MUC4: variants seen among roughly 807,000 people sequenced by gnomAD.
MUC4 encodes mucin-4.
MUC4 carries 202 observed loss-of-function variants against 257.9 expected under a neutral mutation model. The observed-to-expected ratio is 0.78, with a 90% CI of 0.70 to 0.88. MUC4 has a LOEUF of 0.88. MUC4 is among the 40% of genes least tolerant of loss of function. MUC4 has a pLI of 0.00. For missense variants in MUC4, 5,976 were observed against 6,513.7 expected (o/e 0.92, Z 2.84); for synonymous variants, 2,351 against 2,757.1 (o/e 0.85, Z 4.62).
At position 195,760,633 on chromosome 3, in the gene MUC4, G is replaced by A. The variant is rs548253587; in HGVS notation, c.14848+251C>T. ...GGGGCTGGGAAGGCATCCAGCGCTA[G>A]GATGGACGGAGGGGGCTGGGAAGGC... On this transcript the variant is annotated intron_variant, in intron 16 of 24. Transcript: ENST00000463781. Among the ~76,000 whole-genome samples, 251 of 109,318 alleles carry A rather than the reference G, an allele frequency of 2.3e-3. 1 individual carries two copies. The highest frequency in any genetic ancestry group is 4.0e-3 in the Non-Finnish European group (196 of 48,624). The allele number at this position is 109,318 out of a possible 152,430, so 71.7% of individuals were successfully genotyped here. A position where few individuals can be genotyped will look rare whatever the true frequency, so the allele number is the denominator to read the frequency against.
chr3:195,772,370 C>T (rs1158241297), intron 4 of MUC4, among the ~76,000 whole-genome samples: 5 of 141,938 alleles, frequency 3.5e-5, no homozygotes, highest in African/African-American at 8.1e-5. Context: ...GGGGTGTAGA[C>T]ACCCTCCCTT....
chr3:195,760,700 C>T (rs921993605), intron 16 of MUC4, among the ~76,000 whole-genome samples, 184 bp downstream of exon 16: 16 of 151,500 alleles, frequency 1.1e-4, no homozygotes, highest in East Asian at 5.9e-4. Context: ...TGAACTGGGC[C>T]GAAGGCCACT....
chr3:195,784,613 C>T lies in MUC4; in HGVS notation c.6967G>A (p.Val2323Ile). The change falls in exon 2 of 25, where the codon GTC (valine) becomes ATC (isoleucine). Residue 2323 changes from valine to isoleucine, a missense_variant. Val to Ile is a conservative substitution (Grantham distance 29). Transcript: ENST00000463781. ...GTGGATGCTGAGGAAAGGCTGGTGA[C>T]AGGAAGAGGGGTGGCGTGACCTGTG... ...ASTGHATPLP[V>I]TSLSSASTGD... is the part of the protein sequence containing the mutation. 7.1e-7 allele frequency: 1 copy of T among 1,401,932 alleles called. No homozygotes were observed. Among genetic ancestry groups the T allele is most frequent in the Non-Finnish European group, 9.6e-7 (1 of 1,043,512 alleles). 86.8% of individuals were successfully genotyped at this position (1,401,932 alleles called of 1,614,324 possible). A position where few individuals can be genotyped will look rare whatever the true frequency, so the allele number is the denominator to read the frequency against.
At chr3:195,768,367 C>T (rs561924037) in intron 7 of MUC4, among the ~76,000 whole-genome samples, 4 of 152,344 alleles carry the variant, frequency 2.6e-5, no homozygotes, top group Middle Eastern at 3.4e-3. Flanking sequence ...ACTGCTACAT[C>T]GGAGACAGCC....
intron 19 of MUC4, 40 bp downstream of exon 19, chr3:195,754,173 C>A: frequency 6.3e-7 from 1 of 1,582,548 alleles, no homozygotes. Context: ...CTATCAGCTG[C>A]TCCCAGAAGC....
At position 195,788,820 on chromosome 3, in the gene MUC4, G is replaced by T; in HGVS notation, c.2760C>A (p.Asp920Glu). Residue 920 changes from aspartate to glutamate, a missense_variant, in exon 2 of 25, where the codon GAC becomes GAA. Transcript: ENST00000463781. ...TTGCCTGGGACGCCAGGCTGATAGT[G>T]TCAGACCCTCTGCTGGTTCTTGTCC... ...TQRTRTSRGS[D>E]TISLASQATD... The T allele has an allele frequency of 1.2e-6, 2 of 1,613,926 alleles. No homozygotes were observed. The highest frequency in any genetic ancestry group is 8.5e-7 in the Non-Finnish European group (1 of 1,179,852).
In MUC4 at chr3:195,778,796, T is replaced by C. The variant is rs1389520299; in HGVS notation, c.12784A>G (p.Thr4262Ala). The change falls in exon 2 of 25, where the codon ACA becomes GCA. Residue 4262 changes from threonine (T) to alanine (A), a missense_variant. Physicochemically the swap from Thr to Ala is moderately conservative, Grantham distance 58. Coordinates refer to ENST00000463781, the MANE Select transcript of MUC4 (RefSeq NM_018406.7). Reference sequence around the variant, plus strand: ...CGAGGCAGTTGGCAGCTACCTGGTGTTTCCATCTTCAGAGGGGAGTCCGAG... The same window carrying C: ...CGAGGCAGTTGGCAGCTACCTGGTGCTTCCATCTTCAGAGGGGAGTCCGAG... Reference protein sequence around the residue: ...VSSDSPLKMETPGMTTPSLKT... With the variant: ...VSSDSPLKMEAPGMTTPSLKT... The C allele has an allele frequency of 6.2e-7, 1 of 1,609,868 alleles. No homozygotes were observed.
At chr3:195,761,875 G>C (rs753965712) in intron 14 of MUC4, among the ~76,000 whole-genome samples, 5 of 152,042 alleles carry the variant, frequency 3.3e-5, no homozygotes, top group Non-Finnish European at 7.4e-5. Context: ...AGCCCCCCCT[G>C]ATGCTCCCTT....
At position 195,788,272 on chromosome 3, in the gene MUC4, G is replaced by T; in HGVS notation, c.3308C>A (p.Thr1103Asn). Reference protein sequence around the residue: ...DTSSASTGHATSLPVTDTSSV... With the variant: ...DTSSASTGHANSLPVTDTSSV... Reference sequence around the variant, plus strand: ...GGAAGTGTCGGTGACAGGAAGAGAGGTGGCGTGACCTGTGGATGCTGAGGA... The same window carrying T: ...GGAAGTGTCGGTGACAGGAAGAGAGTTGGCGTGACCTGTGGATGCTGAGGA... Residue 1103 changes from threonine (T) to asparagine (N), a missense_variant, in exon 2 of 25, where the codon ACC becomes AAC. Physicochemically the swap from Thr to Asn is moderately conservative, Grantham distance 65. This residue lies in a region of MUC4 where 68 missense variants were observed against 90.4 expected (regional missense o/e 0.75). Coordinates refer to ENST00000463781, the MANE Select transcript of MUC4 (RefSeq NM_018406.7). 2 of 1,547,844 alleles carry T rather than the reference G, an allele frequency of 1.3e-6. No homozygotes were observed. The highest frequency in any genetic ancestry group is 1.7e-6 in the Non-Finnish European group (2 of 1,145,490).
intron 24 of MUC4, 65 bp from the exon 25 acceptor site, chr3:195,747,445 TCTG>T: frequency 6.5e-7 from 1 of 1,535,804 alleles, no homozygotes; most frequent in Non-Finnish European, 8.9e-7. Context: ...CCCCTCCTCT[TCTG>T]CTGGGGAAGA....
chr3:195,770,679 T>G, intron 5 of MUC4: 1 of 473,644 alleles, frequency 2.1e-6, no homozygotes, highest in Non-Finnish European at 3.9e-6. Context: ...CACTTTTACC[T>G]CCCCATGCCT....
In MUC4 at chr3:195,810,719, C is replaced by T. The variant is rs1278379428; in HGVS notation, c.82+1017G>A. Among the ~76,000 whole-genome samples the T allele has an allele frequency of 1.3e-5, 2 of 152,196 alleles. No individual in the cohort carries two copies. Among genetic ancestry groups the T allele is most frequent in the Non-Finnish European group, 2.9e-5 (2 of 68,034 alleles). On this transcript the variant is annotated intron_variant, in intron 1 of 24. Coordinates refer to ENST00000463781, the MANE Select transcript of MUC4 (RefSeq NM_018406.7). The surrounding 1 kb of genome is among the most constrained non-coding windows in gnomAD (Gnocchi z 4.2). ...GCCGGCCTGCCCCTCTCCTCCTTGT[C>T]GCTTCCCTTGCTTGCTGCTGTCTCC...
At chr3:195,760,730 G>C (rs551315911) in intron 16 of MUC4, among the ~76,000 whole-genome samples, 154 bp downstream of exon 16, 46 of 152,338 alleles carry the variant, frequency 3.0e-4, no homozygotes, top group Non-Finnish European at 5.4e-4. Flanking sequence ...GAGAGAGCCA[G>C]GGAAGTCTCT....
chr3:195,785,338 A>C lies in MUC4; in HGVS notation c.6242T>G (p.Leu2081Arg). 2 of 1,488,264 alleles carry C rather than the reference A, an allele frequency of 1.3e-6. No individual in the cohort carries two copies. Among genetic ancestry groups the C allele is most frequent in the Non-Finnish European group, 9.1e-7 (1 of 1,097,964 alleles). 92.2% of individuals were successfully genotyped at this position (1,488,264 alleles called of 1,614,324 possible). A position where few individuals can be genotyped will look rare whatever the true frequency, so the allele number is the denominator to read the frequency against. ...SSASTGHATP[L>R]LVTDASSIST... ...TATTGAGGAAGCGTCGGTGACAAGA[A>C]GAGGGGTGGCGTGACCTGTGGATGC... Residue 2081 changes from leucine (L) to arginine (R), a missense_variant, in exon 2 of 25, where the codon CTT (leucine) becomes CGT (arginine). Physicochemically the swap from Leu to Arg is moderately radical, Grantham distance 102 (BLOSUM62 -2). Coordinates refer to ENST00000463781, the MANE Select transcript of MUC4 (RefSeq NM_018406.7).
rs1412201593 is a variant in MUC4, at chr3:195,785,262, G to C, written c.6318C>G (p.Ser2106=). The change falls in exon 2 of 25, where the codon TCC becomes TCG. Residue 2106 remains serine, a synonymous_variant. Coordinates refer to ENST00000463781, the MANE Select transcript of MUC4 (RefSeq NM_018406.7). ...CATGAAGAGCGGTGGCGTGACCTGTGGATACTGAGGAAGCGTCGGTGACAA... is the reference window on the plus strand; with the variant it reads ...CATGAAGAGCGGTGGCGTGACCTGTCGATACTGAGGAAGCGTCGGTGACAA... ...SLLVTDASSV[S]TGHATALHDT... The C allele has an allele frequency of 6.4e-7, 1 of 1,553,494 alleles. No individual in the cohort carries two copies. The highest frequency in any genetic ancestry group is 8.7e-7 in the Non-Finnish European group (1 of 1,148,166).
chr3:195,756,205 A>G (rs842223), intron 18 of MUC4, among the ~76,000 whole-genome samples: 108,101 of 152,112 alleles, frequency 0.71, 40,187 homozygotes, highest in East Asian at 0.99. Context: ...CTAGGCAGAC[A>G]GGACTGTAAG....
chr3:195,769,246 A>G, intron 6 of MUC4, 94 bp from the exon 7 acceptor site: 1 of 1,513,916 alleles, frequency 6.6e-7, no homozygotes, highest in Non-Finnish European at 8.9e-7. Context: ...CCCTGCTCTG[A>G]CACGCACAGC....
intron 1 of MUC4, among the ~76,000 whole-genome samples, chr3:195,806,347 T>C (rs912256987): frequency 1.3e-5 from 2 of 152,218 alleles, no homozygotes; most frequent in Non-Finnish European, 2.9e-5. Flanking sequence ...GGGCCCTTCC[T>C]GACTTGTCAG....
Position 195,778,312 on chromosome 3 carries a change from G to T in MUC4, c.12934C>A (p.Pro4312Thr), listed in dbSNP as rs1179327702. The T allele has an allele frequency of 6.2e-7, 1 of 1,610,014 alleles. No homozygotes were observed. The highest frequency in any genetic ancestry group is 1.3e-5 in the African/African-American group (1 of 74,780). Residue 4312 changes from proline to threonine, a missense_variant, in exon 3 of 25, where the codon CCT (proline) becomes ACT (threonine). By Grantham distance (38) the Pro-to-Thr change is conservative. This residue lies in a region of MUC4 where 233 missense variants were observed against 171.2 expected (regional missense o/e 1.36). Coordinates refer to ENST00000463781, the MANE Select transcript of MUC4 (RefSeq NM_018406.7). Reference sequence around the variant, plus strand: ...ACCTGTATGGCCTCACCTCTCTCAGGCAGGATGGGGATGGGGGCAGCTGTG... The same window carrying T: ...ACCTGTATGGCCTCACCTCTCTCAGTCAGGATGGGGATGGGGGCAGCTGTG... ...RSTAAPIPIL[P>T]ERGVSLFPYG...
Sources: gnomAD v4.1 joint callset for allele counts (sites outside exome capture counted in the v4.1 genomes callset) on GRCh38, gnomAD v4.1.1 for gene constraint, gnomAD v4.1.1 regional missense constraint, Gnocchi (gnomAD v3.1) non-coding constraint, MANE v1.5 for transcripts, NCBI Gene and HGNC (gene_info 2026-07-23, HGNC 2026-07-21) for gene names.